The following TMEM38A variants were observed in gnomAD, a reference collection of about 807,000 sequenced individuals.
TMEM38A encodes transmembrane protein 38A, also known as trimeric intracellular cation channel type A.
Under a neutral mutation model 28.6 loss-of-function variants are expected in TMEM38A, and 17 were observed. The observed-to-expected ratio is 0.60, with a 90% confidence interval of 0.41 to 0.89. The LOEUF is 0.89. Among genes scored for constraint, TMEM38A ranks in the 40% least tolerant of loss-of-function variants. TMEM38A has a pLI of 0.00. For missense variants in TMEM38A, 328 were observed against 393.1 expected (o/e 0.83, Z 1.40); for synonymous variants, 169 against 166.1 (o/e 1.02, Z -0.14).
chr19:16,664,879 A>T (rs73518919), intron 1 of TMEM38A, among the ~76,000 whole-genome samples: 4,773 of 151,874 alleles, frequency 0.031, 237 homozygotes, highest in African/African-American at 0.1. Context: ...ATAATAATAA[A>T]AAAAGAATGT....
chr19:16,670,483 AC>A (rs955543677), intron 1 of TMEM38A, among the ~76,000 whole-genome samples: 1 of 151,882 alleles, frequency 6.6e-6, no homozygotes, highest in African/African-American at 2.4e-5. Context: ...TGAAATTTCC[AC>A]CCACAGGTAC....
At chr19:16,666,362 C>A (rs986672631) in intron 1 of TMEM38A, among the ~76,000 whole-genome samples, 1 of 151,968 alleles carries the variant, frequency 6.6e-6, no homozygotes, top group Admixed American at 6.6e-5. Context: ...AGTAATCCAC[C>A]CGCCTCAGCC....
chr19:16,679,920 A>G lies in TMEM38A; in HGVS notation c.125-64A>G, dbSNP rs911426309. ...TGGATTAGGATAGGCTGACCAGAGC[A>G]TATGGGAGTGAAGCCTGCCCTTGGC... On this transcript the variant is annotated intron_variant, in intron 1 of 5. Coordinates refer to ENST00000187762, the MANE Select transcript of TMEM38A (RefSeq NM_024074.4). 5 of 1,521,072 alleles carry G rather than the reference A, an allele frequency of 3.3e-6. No homozygotes were observed. The East Asian group carries it at 9.1e-5, about 28-fold the overall frequency. The allele number at this position is 1,521,072 out of a possible 1,614,324, so 94.2% of individuals were successfully genotyped here.
At chr19:16,672,466 T>TTTTTG (rs3067283) in intron 1 of TMEM38A, among the ~76,000 whole-genome samples, 1 of 149,658 alleles carries the variant, frequency 6.7e-6, no homozygotes, top group East Asian at 2.0e-4. Context: ...TTTTTTTTTT[T>TTTTTG]GAGGCAGAGT....
At chr19:16,662,823 C>A (rs2086687993) in intron 1 of TMEM38A, among the ~76,000 whole-genome samples, 2 of 152,116 alleles carry the variant, frequency 1.3e-5, no homozygotes, top group South Asian at 4.1e-4. Context: ...TGCCTATCCA[C>A]ATGCCAGAGC....
At position 16,682,414 on chromosome 19, in the gene TMEM38A, C is replaced by A. The variant is rs1399040857; in HGVS notation, c.467-7C>A. On this transcript the variant is annotated splice_region_variant and splice_polypyrimidine_tract_variant and intron_variant, in intron 3 of 5. Coordinates refer to ENST00000187762, the MANE Select transcript of TMEM38A (RefSeq NM_024074.4). ...GTGGGCTTGTTCAGAAGCACCCTGT[C>A]CTGTAGGTTCTGGTGTCGCCCTCAT... 1 of 1,613,856 alleles carries A rather than the reference C, an allele frequency of 6.2e-7. No individual in the cohort carries two copies. Among genetic ancestry groups the A allele is most frequent in the Admixed American group, 1.7e-5 (1 of 59,986 alleles).
At chr19:16,681,965 T>G (rs775525914) in intron 3 of TMEM38A, among the ~76,000 whole-genome samples, 1 of 152,180 alleles carries the variant, frequency 6.6e-6, no homozygotes, top group Non-Finnish European at 1.5e-5. Context: ...GTCTTCTTAT[T>G]GTCTCTCCAG....
intron 1 of TMEM38A, among the ~76,000 whole-genome samples, chr19:16,673,720 TTTACAGAGTAG>T (rs2086737350): frequency 1.3e-5 from 2 of 152,094 alleles, no homozygotes; most frequent in Non-Finnish European, 2.9e-5. Flanking sequence ...CGTAATTCCT[TTTACAGAGTAG>T]AGTGCACTAC....
At chr19:16,665,209 G>A (rs1029314301) in intron 1 of TMEM38A, among the ~76,000 whole-genome samples, 2 of 151,670 alleles carry the variant, frequency 1.3e-5, no homozygotes, top group African/African-American at 2.4e-5. Context: ...CAGGAGAATC[G>A]CTTGAACCTG....
chr19:16,676,224 C>T (rs891270581), intron 1 of TMEM38A, among the ~76,000 whole-genome samples: 1 of 134,210 alleles, frequency 7.5e-6, no homozygotes, highest in Non-Finnish European at 1.5e-5. Context: ...GGCGTGCTGG[C>T]GGGTGCCTGT....
At chr19:16,681,447 C>G (rs1599391267) in intron 3 of TMEM38A, among the ~76,000 whole-genome samples, 1 of 152,034 alleles carries the variant, frequency 6.6e-6, no homozygotes, top group South Asian at 2.1e-4. Context: ...CAAAAATGGA[C>G]AGAAGTTAGG....
intron 3 of TMEM38A, among the ~76,000 whole-genome samples, chr19:16,682,078 G>A (rs1220998147): frequency 6.6e-6 from 1 of 152,142 alleles, no homozygotes; most frequent in Non-Finnish European, 1.5e-5. Context: ...GGAGGAGAGA[G>A]ACTGCGGGTG....
Position 16,680,732 on chromosome 19 carries a change from C to A in TMEM38A, c.466+151C>A, listed in dbSNP as rs142032368. ...TTCAAACCTCCCTACAGGTATCAGC[C>A]GATACCTTTAGGGTAAATGGGAAGA... On this transcript the variant is annotated intron_variant, in intron 3 of 5. Transcript: ENST00000187762. 6.0e-6 allele frequency: 4 copies of A among 668,852 alleles called. No homozygotes were observed. In the African/African-American group the frequency reaches 7.2e-5, roughly 12 times the overall value. The allele number at this position is 668,852 out of a possible 1,614,324, so 41.4% of individuals were successfully genotyped here.
rs141465203 is a variant in TMEM38A at position 16,670,584 on chromosome 19, A to G, written c.124+9243A>G. Among the ~76,000 whole-genome samples, 484 of 152,240 alleles carry G rather than the reference A, an allele frequency of 3.2e-3. 1 individual carries two copies. Among genetic ancestry groups the G allele is most frequent in the Middle Eastern group, 0.014 (4 of 294 alleles). On this transcript the variant is annotated intron_variant, in intron 1 of 5. Transcript: ENST00000187762. ...TTTCACCCTCACAGGCATCTTTGGAAATGACTGATATAGATCTGGTGTGGT... is the reference window on the plus strand; with the variant it reads ...TTTCACCCTCACAGGCATCTTTGGAGATGACTGATATAGATCTGGTGTGGT...
At chr19:16,664,286 G>A (rs62116934) in intron 1 of TMEM38A, among the ~76,000 whole-genome samples, 16,060 of 151,846 alleles carry the variant, frequency 0.11, 1,143 homozygotes, top group African/African-American at 0.2. Context: ...GTGTGGTGGC[G>A]CACGCCTGTA....
At position 16,670,269 on chromosome 19, in the gene TMEM38A, G is replaced by GTT. The variant is rs1411682446; in HGVS notation, c.124+8933_124+8934dup. Among the ~76,000 whole-genome samples, 91 of 121,394 alleles carry GTT rather than the reference G, an allele frequency of 7.5e-4. 2 individuals carry two copies. Among genetic ancestry groups the GTT allele is most frequent in the Middle Eastern group, 6.3e-3 (1 of 160 alleles). 79.6% of individuals were successfully genotyped at this position (121,394 alleles called of 152,430 possible). On this transcript the variant is annotated intron_variant, in intron 1 of 5. Coordinates refer to ENST00000187762, the MANE Select transcript of TMEM38A (RefSeq NM_024074.4). ...AGGCATCAGCCACTGCGCCCGGCCT[G>GTT]TTTTTTGTTTTTTTTTTTTTTTGAG...
At chr19:16,688,096 T>C in intron 5 of TMEM38A, 48 bp from the exon 6 acceptor site, 1 of 1,313,458 alleles carries the variant, frequency 7.6e-7, no homozygotes, top group Non-Finnish European at 1.0e-6. Context: ...CTTTCTACCT[T>C]GGTCTCCCTC....
intron 2 of TMEM38A, 25 bp downstream of exon 2, chr19:16,680,165 G>A: frequency 6.2e-7 from 1 of 1,601,006 alleles, no homozygotes; most frequent in Non-Finnish European, 8.5e-7. Flanking sequence ...GCATGGGAGA[G>A]CAGAGCCGGG....
rs1033381515 is a variant in TMEM38A, at chr19:16,685,050, G to GTAAATAAA, written c.555-1209_555-1202dup. Reference sequence around the variant, plus strand: ...GGTGATAGAGAGAGACCCTGTCTCTGTAAATAAATAAATAAATAAATAAAT... The same window carrying GTAAATAAA: ...GGTGATAGAGAGAGACCCTGTCTCTGTAAATAAATAAATAAATAAATAAATAAATAAAT... On this transcript the variant is annotated intron_variant, in intron 4 of 5. Coordinates refer to ENST00000187762, the MANE Select transcript of TMEM38A (RefSeq NM_024074.4). Among the ~76,000 whole-genome samples, 208 of 149,330 alleles carry GTAAATAAA rather than the reference G, an allele frequency of 1.4e-3. 1 individual carries two copies. Among genetic ancestry groups the GTAAATAAA allele is most frequent in the African/African-American group, 4.8e-3 (190 of 39,772 alleles).
Sources: gnomAD v4.1 joint callset for allele counts (sites outside exome capture counted in the v4.1 genomes callset) on GRCh38, gnomAD v4.1.1 for gene constraint, MANE v1.5 for transcripts, NCBI Gene and HGNC (gene_info 2026-07-23, HGNC 2026-07-21) for gene names.